Variants in DLG2 observed in about 807,000 individuals in gnomAD.
DLG2 encodes discs large MAGUK scaffold protein 2.
A neutral mutation model predicts 132.5 loss-of-function variants in DLG2; 45 were observed. The observed-to-expected ratio is 0.34, with a 90% confidence interval of 0.27 to 0.44. The LOEUF is 0.44. Ranked by LOEUF, DLG2 falls within the 20% of genes least tolerant of loss-of-function variation. The probability of loss-of-function intolerance (pLI) is 1.00; values close to 1 mark genes in which losing one functional copy is unlikely to be tolerated. For synonymous variants in DLG2, 424 were observed against 419.6 expected (o/e 1.01, Z -0.13); for missense variants, 1,045 against 1,196.9 (o/e 0.87, Z 1.87).
chr11:84,459,371 A>C (rs2099074075), intron 7 of DLG2, among the ~76,000 whole-genome samples: 2 of 150,750 alleles, frequency 1.3e-5, no homozygotes, highest in South Asian at 4.1e-4. Context: ...CTTTTGACAA[A>C]TAATATCACT....
chr11:83,483,690 T>TG lies in DLG2; in HGVS notation c.2293+438dup, dbSNP rs528754645. On this transcript the variant is annotated intron_variant, in intron 22 of 27. Coordinates refer to ENST00000376104, the MANE Select transcript of DLG2 (RefSeq NM_001142699.3). ...AGTGCTCAGAAAGTGTTTAGTGTTT[T>TG]GGGGGAGGGAAAGAGTGAGCAAATG... Among the ~76,000 whole-genome samples, 4 of 152,280 alleles carry TG rather than the reference T, an allele frequency of 2.6e-5. No individual in the cohort carries two copies. In the East Asian group the frequency reaches 7.7e-4, roughly 29 times the overall value.
chr11:84,601,079 G>A (rs557562800), intron 6 of DLG2, among the ~76,000 whole-genome samples: 1 of 152,210 alleles, frequency 6.6e-6, no homozygotes, highest in Non-Finnish European at 1.5e-5. Context: ...CTATGCTGAA[G>A]CTATCTCTAC....
intron 6 of DLG2, among the ~76,000 whole-genome samples, chr11:85,005,195 G>C (rs1423319558): frequency 6.6e-6 from 1 of 152,158 alleles, no homozygotes. Context: ...GCTTAGGATT[G>C]TTTTGGCTAT....
intron 6 of DLG2, among the ~76,000 whole-genome samples, chr11:84,971,453 A>G (rs755843758): frequency 3.3e-4 from 50 of 152,224 alleles, no homozygotes; most frequent in Non-Finnish European, 6.2e-4. Context: ...CGCACTTAAG[A>G]TAAAAAAACT....
intron 6 of DLG2, among the ~76,000 whole-genome samples, chr11:84,721,141 C>T (rs1329522154): frequency 1.3e-5 from 2 of 152,110 alleles, no homozygotes; most frequent in Non-Finnish European, 2.9e-5. Context: ...GGCCGACTTC[C>T]CGGGAAGGGG....
chr11:85,140,208 G>A (rs531505287), intron 5 of DLG2, among the ~76,000 whole-genome samples: 1 of 151,906 alleles, frequency 6.6e-6, no homozygotes, highest in Non-Finnish European at 1.5e-5. Context: ...ATACAGTGTT[G>A]TATCTTCAGT....
intron 4 of DLG2, among the ~76,000 whole-genome samples, chr11:85,280,867 T>TA (rs1282822930): frequency 6.6e-6 from 1 of 151,774 alleles, no homozygotes; most frequent in East Asian, 1.9e-4. Context: ...AAAATGTTTT[T>TA]AAAAAGGTCA....
At chr11:83,493,302 C>T (rs994510921) in intron 21 of DLG2, among the ~76,000 whole-genome samples, 1 of 151,786 alleles carries the variant, frequency 6.6e-6, no homozygotes, top group African/African-American at 2.4e-5. Flanking sequence ...TGTGCTGGCC[C>T]TATTACTATT....
chr11:85,119,612 GATCTT>G lies in DLG2; in HGVS notation c.283-7882_283-7878del, dbSNP rs1401904352. Reference sequence around the variant, plus strand: ...GAAAATAAATATTTTTTCATTGGCAGATCTTATCTATTATAAACTACAAAGTCTCA... The same window carrying G: ...GAAAATAAATATTTTTTCATTGGCAGATCTATTATAAACTACAAAGTCTCA... On this transcript the variant is annotated intron_variant, in intron 5 of 27. Coordinates refer to ENST00000376104, the MANE Select transcript of DLG2 (RefSeq NM_001142699.3). Among the ~76,000 whole-genome samples, 7 of 152,012 alleles carry G rather than the reference GATCTT, an allele frequency of 4.6e-5. No homozygotes were observed. In the East Asian group the frequency reaches 1.4e-3, roughly 29 times the overall value.
At chr11:83,493,679 AAGTAAAGT>A (rs2093998394) in intron 21 of DLG2, among the ~76,000 whole-genome samples, 1 of 152,014 alleles carries the variant, frequency 6.6e-6, no homozygotes, top group Non-Finnish European at 1.5e-5. Context: ...CTGGCTCCTT[AAGTAAAGT>A]GCTTATTTTT....
intron 21 of DLG2, among the ~76,000 whole-genome samples, chr11:83,484,446 G>C (rs1266723212): frequency 6.6e-6 from 1 of 152,084 alleles, no homozygotes; most frequent in Non-Finnish European, 1.5e-5. Flanking sequence ...CTAAGCAAAA[G>C]ACTGGTTACA....
At chr11:84,590,321 A>G (rs779945063) in intron 6 of DLG2, among the ~76,000 whole-genome samples, 17 of 152,208 alleles carry the variant, frequency 1.1e-4, no homozygotes, top group Non-Finnish European at 1.9e-4. Flanking sequence ...CCAAAGTCTT[A>G]GGATATTTAG....
chr11:85,503,513 G>A (rs1054380349), intron 3 of DLG2, among the ~76,000 whole-genome samples: 2 of 152,058 alleles, frequency 1.3e-5, no homozygotes, highest in Admixed American at 1.3e-4. Context: ...TCTCCAATAT[G>A]ACAGAATTGA....
chr11:83,605,692 A>G (rs1452245286), intron 19 of DLG2, among the ~76,000 whole-genome samples: 2 of 152,206 alleles, frequency 1.3e-5, no homozygotes, highest in East Asian at 3.8e-4. Context: ...TGCTTCCTGC[A>G]GTTCTTACTT....
intron 4 of DLG2, among the ~76,000 whole-genome samples, chr11:85,260,872 TCTTCATGG>T: frequency 6.6e-6 from 1 of 152,318 alleles, no homozygotes; most frequent in Non-Finnish European, 1.5e-5. Context: ...TGTAGCAATC[TCTTCATGG>T]TAGACACAGT....
chr11:83,573,422 A>AG (rs2144023625), intron 19 of DLG2, among the ~76,000 whole-genome samples: 1 of 152,266 alleles, frequency 6.6e-6, no homozygotes, highest in South Asian at 2.1e-4. Flanking sequence ...CATAAATACA[A>AG]TTCAGAGACT....
intron 7 of DLG2, among the ~76,000 whole-genome samples, chr11:84,316,333 C>T (rs191729731): frequency 3.6e-4 from 54 of 152,110 alleles, no homozygotes; most frequent in Admixed American, 6.5e-4. Context: ...AATTGTTCTT[C>T]TCCATAACTG....
At chr11:85,170,291 C>A (rs1398545842) in intron 4 of DLG2, among the ~76,000 whole-genome samples, 2 of 152,084 alleles carry the variant, frequency 1.3e-5, no homozygotes, top group African/African-American at 4.8e-5. Flanking sequence ...TTTCCTGTGT[C>A]TCTGTATGAC....
intron 6 of DLG2, chr11:85,021,622 G>C: frequency 7.6e-7 from 1 of 1,314,866 alleles, no homozygotes; most frequent in Non-Finnish European, 1.1e-6. Context: ...CATGGAGCGA[G>C]GATCTGTCTT....
Sources: gnomAD v4.1 joint callset for allele counts (sites outside exome capture counted in the v4.1 genomes callset) on GRCh38, gnomAD v4.1.1 for gene constraint, MANE v1.5 for transcripts, NCBI Gene and HGNC (gene_info 2026-07-23, HGNC 2026-07-21) for gene names.